Variants in ATXN10 observed in about 807,000 individuals in gnomAD.
The protein encoded by ATXN10 is ataxin 10.
Under a neutral mutation model 52.9 loss-of-function variants are expected in ATXN10, and 28 were observed. The observed-to-expected ratio is 0.53, with a 90% CI of 0.39 to 0.73. The LOEUF is 0.73. ATXN10 is among the 30% of genes least tolerant of loss of function. The pLI is 0.00. For synonymous variants in ATXN10, 226 were observed against 221.5 expected (o/e 1.02, Z -0.18); for missense variants, 565 against 577.0 (o/e 0.98, Z 0.21).
At chr22:45,734,693 G>T (rs1925222427) in intron 7 of ATXN10, among the ~76,000 whole-genome samples, 1 of 151,306 alleles carries the variant, frequency 6.6e-6, no homozygotes, top group South Asian at 2.1e-4. Context: ...TTATTTTTGA[G>T]TAAGGAGTGA....
rs1929213552 is a variant in ATXN10, at chr22:45,837,704, G to A, written c.1238-5287G>A. 6.6e-6 allele frequency among the ~76,000 whole-genome samples: 1 copy of A among 152,256 alleles called. No individual in the cohort carries two copies. The highest frequency in any genetic ancestry group is 2.4e-5 in the African/African-American group (1 of 41,468). On this transcript the variant is annotated intron_variant, in intron 10 of 11. Coordinates refer to ENST00000252934, the MANE Select transcript of ATXN10 (RefSeq NM_013236.4). The surrounding 1 kb of genome is among the most constrained non-coding windows in gnomAD (Gnocchi z 5.8). ...TGTCTCTTGGCAGCTCCTCCACCCT[G>A]CCCTTGCAGTGTGACAGCAGCCGCC...
intron 9 of ATXN10, among the ~76,000 whole-genome samples, chr22:45,746,204 A>C (rs1368418474): frequency 1.3e-5 from 2 of 151,644 alleles, no homozygotes; most frequent in Non-Finnish European, 2.9e-5. Flanking sequence ...TACAGTTGTT[A>C]AACATTCATA....
Position 45,740,349 on chromosome 22 carries a change from G to A in ATXN10, c.1004-20G>A. ...AAGTTACTTTTCTGTGGAAAATGAA[G>A]TTTACTCTTTTGGTTATAGATCTTT... is the stretch of plus-strand genomic sequence containing the variant. On this transcript the variant is annotated intron_variant, in intron 8 of 11. Coordinates refer to ENST00000252934, the MANE Select transcript of ATXN10 (RefSeq NM_013236.4). 1.9e-6 allele frequency: 3 copies of A among 1,613,550 alleles called. No homozygotes were observed. Among genetic ancestry groups the A allele is most frequent in the Non-Finnish European group, 2.5e-6 (3 of 1,179,664 alleles).
In ATXN10 at chr22:45,744,222, A is replaced by G. The variant is rs919507736; in HGVS notation, c.1173+3684A>G. 1.3e-5 allele frequency among the ~76,000 whole-genome samples: 2 copies of G among 152,180 alleles called. No homozygotes were observed. Among genetic ancestry groups the G allele is most frequent in the African/African-American group, 4.8e-5 (2 of 41,448 alleles). Reference sequence around the variant, plus strand: ...CTTGCCTCTTTGAATCAGAATCTCAAAACTACTCATGACACAGATTTTCCT... The same window carrying G: ...CTTGCCTCTTTGAATCAGAATCTCAGAACTACTCATGACACAGATTTTCCT... On this transcript the variant is annotated intron_variant, in intron 9 of 11. Coordinates refer to ENST00000252934, the MANE Select transcript of ATXN10 (RefSeq NM_013236.4). The surrounding 1 kb of genome is among the most constrained non-coding windows in gnomAD (Gnocchi z 4.9).
At chr22:45,838,201 C>T (rs1929229080) in intron 10 of ATXN10, among the ~76,000 whole-genome samples, 1 of 152,228 alleles carries the variant, frequency 6.6e-6, no homozygotes, top group African/African-American at 2.4e-5. Context: ...AGCCTTTGGT[C>T]TTCTCCCCTG....
intron 9 of ATXN10, chr22:45,792,856 C>A: frequency 2.0e-6 from 1 of 511,196 alleles, no homozygotes; most frequent in South Asian, 1.6e-5. Flanking sequence ...GAAAAACCTT[C>A]GACATTTTTA....
Position 45,789,597 on chromosome 22 carries a change from G to A in ATXN10, c.1174-17362G>A, listed in dbSNP as rs1237639979. ...AGTGAAGGGCCTGGAAAAGTTAGGG[G>A]TTAGTATGTTAATACAGCTCTCTCC... is the stretch of plus-strand genomic sequence containing the variant. On this transcript the variant is annotated intron_variant, in intron 9 of 11. Transcript: ENST00000252934. The surrounding 1 kb of genome is among the most constrained non-coding windows in gnomAD (Gnocchi z 4.0). 1.3e-5 allele frequency among the ~76,000 whole-genome samples: 2 copies of A among 152,210 alleles called. No individual in the cohort carries two copies. The highest frequency in any genetic ancestry group is 2.9e-5 in the Non-Finnish European group (2 of 68,040).
intron 6 of ATXN10, among the ~76,000 whole-genome samples, chr22:45,722,428 A>T (rs1056551488): frequency 6.6e-6 from 1 of 152,186 alleles, no homozygotes; most frequent in African/African-American, 2.4e-5. Flanking sequence ...TTAATGAAGG[A>T]TAGTCTATTC....
intron 6 of ATXN10, among the ~76,000 whole-genome samples, chr22:45,724,344 CTT>C (rs978032420): frequency 1.2e-3 from 178 of 152,036 alleles, no homozygotes; most frequent in African/African-American, 4.0e-3. Flanking sequence ...TTTTTTTTGA[CTT>C]TTTAATAATG....
At chr22:45,745,245 C>T (rs978958140) in intron 9 of ATXN10, among the ~76,000 whole-genome samples, 5 of 152,124 alleles carry the variant, frequency 3.3e-5, no homozygotes, top group Admixed American at 3.3e-4. Flanking sequence ...TTGTCATAAC[C>T]TCTTTAAGTG....
rs989410939 is a variant in ATXN10 at position 45,783,173 on chromosome 22, G to A, written c.1174-23786G>A. 9.9e-5 allele frequency among the ~76,000 whole-genome samples: 15 copies of A among 152,128 alleles called. No homozygotes were observed. The highest frequency in any genetic ancestry group is 3.6e-4 in the African/African-American group (15 of 41,428). On this transcript the variant is annotated intron_variant, in intron 9 of 11. Coordinates refer to ENST00000252934, the MANE Select transcript of ATXN10 (RefSeq NM_013236.4). The surrounding 1 kb of genome is among the most constrained non-coding windows in gnomAD (Gnocchi z 5.0). ...TTGAGGTCATTGTTAAGTAAGATAA[G>A]GGTTCCATGAACACGAGCACTGTGA...
Position 45,763,417 on chromosome 22 carries a change from G to A in ATXN10, c.1173+22879G>A, listed in dbSNP as rs1168708661. Among the ~76,000 whole-genome samples, 5 of 152,116 alleles carry A rather than the reference G, an allele frequency of 3.3e-5. No individual in the cohort carries two copies. Among genetic ancestry groups the A allele is most frequent in the African/African-American group, 9.7e-5 (4 of 41,396 alleles). On this transcript the variant is annotated intron_variant, in intron 9 of 11. Transcript: ENST00000252934. This position sits in a 1 kb window ranked among gnomAD's most constrained non-coding sequence, Gnocchi z 6.9. The stretch of plus-strand genomic sequence containing the variant: ...CTGAGGCCTTTGGACTTGGCCCCTC[G>A]CTCGCTTTGCCAGGAGACAGGCGGC...
chr22:45,744,696 G>T lies in ATXN10; in HGVS notation c.1173+4158G>T, dbSNP rs1229695069. 6.6e-6 allele frequency: 1 copy of T among 152,270 alleles called. No homozygotes were observed. The highest frequency in any genetic ancestry group is 1.5e-5 in the Non-Finnish European group (1 of 68,086). The allele number at this position is 152,270 out of a possible 1,614,324, so 9.4% of individuals were successfully genotyped here. ...GGGGGGTGATGTGTCCTCTGGGCTG[G>T]CTGTGCCAGGAGCATTTCTCTCTAA... is the stretch of plus-strand genomic sequence containing the variant. On this transcript the variant is annotated intron_variant, in intron 9 of 11. Transcript: ENST00000252934. This position sits in a 1 kb window ranked among gnomAD's most constrained non-coding sequence, Gnocchi z 4.9.
chr22:45,836,373 G>C (rs1177228645), intron 10 of ATXN10, among the ~76,000 whole-genome samples: 1 of 152,226 alleles, frequency 6.6e-6, no homozygotes, highest in Non-Finnish European at 1.5e-5. Flanking sequence ...GGGATCTTCA[G>C]ATGTCCTGTC....
chr22:45,742,963 A>C (rs968851700), intron 9 of ATXN10, among the ~76,000 whole-genome samples: 4 of 152,238 alleles, frequency 2.6e-5, no homozygotes, highest in Admixed American at 2.6e-4. Flanking sequence ...GTGTTTAACT[A>C]TTCTTTTGTT....
In ATXN10 at chr22:45,747,028, G is replaced by T. The variant is rs184677933; in HGVS notation, c.1173+6490G>T. Among the ~76,000 whole-genome samples, 309 of 152,098 alleles carry T rather than the reference G, an allele frequency of 2.0e-3. 2 individuals are homozygous for T. The highest frequency in any genetic ancestry group is 7.2e-3 in the African/African-American group (298 of 41,472). On this transcript the variant is annotated intron_variant, in intron 9 of 11. Transcript: ENST00000252934. ...TCCATCCCTTCTTAGTTATACCACCGTTACCACCACTTTTGTCCTTGCTCC... is the reference window on the plus strand; with the variant it reads ...TCCATCCCTTCTTAGTTATACCACCTTTACCACCACTTTTGTCCTTGCTCC...
In ATXN10 at chr22:45,806,284, C is replaced by T. The variant is rs183599326; in HGVS notation, c.1174-675C>T. On this transcript the variant is annotated intron_variant, in intron 9 of 11. Transcript: ENST00000252934. ...AAGAAATGTGTATAATTATAATTTG[C>T]TTCCCTCTTATGAGCACGTTTGAAC... is the stretch of plus-strand genomic sequence containing the variant. 1.1e-3 allele frequency among the ~76,000 whole-genome samples: 168 copies of T among 152,246 alleles called. 4 individuals carry two copies. The East Asian group carries it at 0.026, about 24-fold the overall frequency.
chr22:45,776,119 T>G (rs1057172449), intron 9 of ATXN10, among the ~76,000 whole-genome samples: 6 of 152,212 alleles, frequency 3.9e-5, no homozygotes, highest in Non-Finnish European at 8.8e-5. Context: ...TGATATACTC[T>G]GTAAGCCTAC....
intron 9 of ATXN10, among the ~76,000 whole-genome samples, chr22:45,779,061 C>T (rs369197257): frequency 6.6e-6 from 1 of 152,118 alleles, no homozygotes; most frequent in Non-Finnish European, 1.5e-5. Context: ...AGGCTCTTTT[C>T]AGCTCTTGAG....
Sources: gnomAD v4.1 joint callset for allele counts (sites outside exome capture counted in the v4.1 genomes callset) on GRCh38, gnomAD v4.1.1 for gene constraint, Gnocchi (gnomAD v3.1) non-coding constraint, MANE v1.5 for transcripts, NCBI Gene and HGNC (gene_info 2026-07-23, HGNC 2026-07-21) for gene names.